The following COL14A1 variants were observed in gnomAD, a reference collection of about 807,000 sequenced individuals.
The protein encoded by COL14A1 is collagen alpha-1(XIV) chain.
In COL14A1, 136 loss-of-function variants were observed where a neutral mutation model predicts 230.3. That is an observed-to-expected ratio of 0.59 (90% CI 0.51 to 0.68). COL14A1 has a LOEUF of 0.68. Among genes scored for constraint, COL14A1 ranks in the 30% least tolerant of loss-of-function variants. The pLI is 0.00. For missense variants in COL14A1, 1,976 were observed against 2,215.8 expected, an observed-to-expected ratio of 0.89 and a Z score of 2.17; for synonymous variants, 792 against 784.1, an observed-to-expected ratio of 1.01 and a Z score of -0.17.
At chr8:120,151,585 A>T (rs948788050) in intron 2 of COL14A1, among the ~76,000 whole-genome samples, 1 of 138,378 alleles carries the variant, frequency 7.2e-6, no homozygotes, top group Non-Finnish European at 1.5e-5. Context: ...GGTTGCAGTG[A>T]GCTGAGATGG....
intron 9 of COL14A1, 124 bp downstream of exon 9, chr8:120,203,994 C>T: frequency 1.1e-6 from 1 of 884,650 alleles, no homozygotes. Context: ...TCCCCTAAGA[C>T]CTGAGCCGTC....
chr8:120,140,158 A>G (rs1189626405), intron 1 of COL14A1, among the ~76,000 whole-genome samples: 4 of 152,252 alleles, frequency 2.6e-5, no homozygotes, highest in African/African-American at 9.6e-5. Flanking sequence ...TATATATAGC[A>G]AATTATCACC....
intron 36 of COL14A1, among the ~76,000 whole-genome samples, chr8:120,305,088 C>T (rs1010726287): frequency 7.2e-5 from 11 of 151,792 alleles, no homozygotes; most frequent in African/African-American, 2.7e-4. Context: ...AAGTGATTCT[C>T]CTGCCTCAGC....
At chr8:120,368,166 T>C (rs903077082) in intron 46 of COL14A1, among the ~76,000 whole-genome samples, 4 of 152,186 alleles carry the variant, frequency 2.6e-5, no homozygotes, top group East Asian at 1.9e-4. Context: ...TTGTGTATTA[T>C]ATGCTTTTAG....
chr8:120,197,150 A>G (rs2130710957), intron 6 of COL14A1, among the ~76,000 whole-genome samples: 1 of 152,246 alleles, frequency 6.6e-6, no homozygotes, highest in South Asian at 2.1e-4. Context: ...TTAATTATTG[A>G]ACATATTTTA....
intron 42 of COL14A1, among the ~76,000 whole-genome samples, chr8:120,339,121 C>T (rs766607601): frequency 4.6e-5 from 7 of 152,126 alleles, no homozygotes; most frequent in Non-Finnish European, 7.4e-5. Context: ...ACCACAGGCA[C>T]GCGCCACCAC....
At chr8:120,258,343 T>C (rs575503508) in intron 23 of COL14A1, among the ~76,000 whole-genome samples, 1 of 152,330 alleles carries the variant, frequency 6.6e-6, no homozygotes, top group South Asian at 2.1e-4. Flanking sequence ...TCTTTCTCAA[T>C]AGTTCCAACA....
At chr8:120,271,765 C>T (rs143174887) in intron 26 of COL14A1, among the ~76,000 whole-genome samples, 179 of 151,698 alleles carry the variant, frequency 1.2e-3, no homozygotes, top group African/African-American at 3.9e-3. Context: ...GCCAGATCAT[C>T]TTGAGTCTTG....
chr8:120,285,407 T>C (rs1034158636), intron 32 of COL14A1, among the ~76,000 whole-genome samples: 1 of 132,946 alleles, frequency 7.5e-6, no homozygotes. Context: ...GAGCTTGCAG[T>C]GAGCCAAGAT....
intron 23 of COL14A1, among the ~76,000 whole-genome samples, chr8:120,260,236 T>C (rs1375815749): frequency 6.6e-6 from 1 of 152,118 alleles, no homozygotes; most frequent in Non-Finnish European, 1.5e-5. Context: ...TATTTGTCCA[T>C]AGACAAAATT....
At chr8:120,197,718 A>T (rs1455849736) in intron 6 of COL14A1, 93 bp from the exon 7 acceptor site, 2 of 1,404,400 alleles carry the variant, frequency 1.4e-6, no homozygotes, top group African/African-American at 2.9e-5. Context: ...TTTTGCAAAG[A>T]TGAGGCCTTT....
At position 120,283,704 on chromosome 8, in the gene COL14A1, C is replaced by T; in HGVS notation, c.3893C>T (p.Thr1298Ile). ...TTTCTATTCCGGATTCTTCCTGACA[C>T]TCCACAGGAGCCATTTGCTCTTTGG... is the stretch of plus-strand genomic sequence containing the variant. ...ISFLFRILPD[T>I]PQEPFALWEI... The change falls in exon 32 of 48, where the codon ACT (threonine) becomes ATT (isoleucine). Residue 1298 changes from threonine to isoleucine, a missense_variant. Thr to Ile is a moderately conservative substitution (Grantham distance 89). Around this residue, in one of 3 missense-constraint regions of COL14A1, gnomAD observed 1,791 missense variants for 2,019.5 expected, o/e 0.89. Coordinates refer to ENST00000297848, the MANE Select transcript of COL14A1 (RefSeq NM_021110.4). 1 of 1,613,838 alleles carries T rather than the reference C, an allele frequency of 6.2e-7. No homozygotes were observed. Among genetic ancestry groups the T allele is most frequent in the Non-Finnish European group, 8.5e-7 (1 of 1,179,860 alleles).
chr8:120,341,359 G>T lies in COL14A1; in HGVS notation c.4820G>T (p.Arg1607Leu), dbSNP rs767288147. 1 of 1,614,122 alleles carries T rather than the reference G, an allele frequency of 6.2e-7. No homozygotes were observed. Among genetic ancestry groups the T allele is most frequent in the Admixed American group, 1.7e-5 (1 of 60,026 alleles). ...GGAGCAAAGGGGGAACGAGGAGAGC[G>T]GGTAAGTATCCTGTGGCTCTGCTTT... Reference protein sequence around the residue: ...VPGAKGERGERGDLQSQAMVR... With the variant: ...VPGAKGERGELGDLQSQAMVR... The change falls in exon 43 of 48, where the codon CGG becomes CTG. Residue 1607 changes from arginine (R) to leucine (L), a missense_variant and splice_region_variant. Transcript: ENST00000297848.
chr8:120,125,626 T>C (rs1814303477), intron 1 of COL14A1, among the ~76,000 whole-genome samples: 1 of 151,962 alleles, frequency 6.6e-6, no homozygotes, highest in African/African-American at 2.4e-5. Flanking sequence ...TTCCCAGTGT[T>C]TGAGTGACGT....
chr8:120,198,236 C>T (rs1817111932), intron 7 of COL14A1, among the ~76,000 whole-genome samples: 1 of 152,134 alleles, frequency 6.6e-6, no homozygotes, highest in Non-Finnish European at 1.5e-5. Context: ...TACTTTTCTC[C>T]TCCTGCCATC....
At chr8:120,300,697 A>G (rs1293351894) in intron 35 of COL14A1, 35 bp from the exon 36 acceptor site, 3 of 1,520,324 alleles carry the variant, frequency 2.0e-6, no homozygotes, top group Non-Finnish European at 1.8e-6. Flanking sequence ...ATAAACTGGC[A>G]TGCTAATGGT....
chr8:120,314,126 C>G, intron 38 of COL14A1, 99 bp downstream of exon 38: 1 of 828,196 alleles, frequency 1.2e-6, no homozygotes, highest in South Asian at 2.0e-5. Context: ...AATAATGAAC[C>G]TCAGTCCCTT....
intron 45 of COL14A1, among the ~76,000 whole-genome samples, chr8:120,346,449 C>T (rs1225494240): frequency 6.6e-6 from 1 of 152,152 alleles, no homozygotes; most frequent in Non-Finnish European, 1.5e-5. Context: ...GAAAAGCTAA[C>T]TTTTACCTAT....
intron 36 of COL14A1, among the ~76,000 whole-genome samples, chr8:120,303,336 T>G (rs1820771899): frequency 6.6e-6 from 1 of 152,196 alleles, no homozygotes; most frequent in South Asian, 2.1e-4. Context: ...AGGAAATGCT[T>G]CCAGCTTTTG....
Sources: allele counts gnomAD v4.1 joint callset (sites outside exome capture counted in the v4.1 genomes callset), GRCh38; gene constraint gnomAD v4.1.1; regional missense constraint gnomAD v4.1.1; transcripts MANE v1.5; gene names NCBI Gene and HGNC (gene_info 2026-07-23, HGNC 2026-07-21).